Variants in GMPS observed in about 807,000 individuals in gnomAD.
GMPS encodes GMP synthase [glutamine-hydrolyzing].
In GMPS, 15 loss-of-function variants were observed where a neutral mutation model predicts 77.9. The ratio of observed to expected loss-of-function variants is 0.19; its 90% CI spans 0.13 to 0.30. GMPS has a LOEUF of 0.30. Among genes scored for constraint, GMPS ranks in the 10% least tolerant of loss-of-function variants. The pLI is 1.00. For missense variants in GMPS, 590 were observed against 838.8 expected (o/e 0.70, Z 3.66); for synonymous variants, 224 against 275.9 (o/e 0.81, Z 1.86).
Position 155,914,537 on chromosome 3 carries a change from G to T in GMPS, c.1005G>T (p.Glu335Asp). 1 of 1,590,692 alleles carries T rather than the reference G, an allele frequency of 6.3e-7. No homozygotes were observed. Among genetic ancestry groups the T allele is most frequent in the East Asian group, 2.3e-5 (1 of 43,744 alleles). The change falls in exon 8 of 16, where the codon GAG becomes GAT. Residue 335 changes from glutamate to aspartate, a missense_variant. Glu to Asp is a conservative substitution (Grantham distance 45). Transcript: ENST00000496455. ...KTLNMTTSPE[E>D]KRKIIGDTFV... ...TAAATATGACCACAAGTCCTGAAGA[G>T]AAAAGAAAAATCATTGGGGATACTT...
At chr3:155,889,305 C>T (rs554454430) in intron 1 of GMPS, among the ~76,000 whole-genome samples, 34 of 152,270 alleles carry the variant, frequency 2.2e-4, no homozygotes, top group African/African-American at 7.9e-4. Context: ...ATAGCAGGCC[C>T]TCTCCTGGAA....
At position 155,939,081 on chromosome 3, in the gene GMPS, A is replaced by G. The variant is rs1755829712; in HGVS notation, c.*1389A>G. 9.2e-6 allele frequency: 2 copies of G among 218,040 alleles called. No individual in the cohort carries two copies. The highest frequency in any genetic ancestry group is 1.2e-4 in the Admixed American group (2 of 17,264). 13.5% of individuals were successfully genotyped at this position (218,040 alleles called of 1,614,324 possible). Reference sequence around the variant, plus strand: ...GTCATCTTTTTATTCTGGCTGGTCCAGGGAACAAGAAAACTGCTGCTGGAC... The same window carrying G: ...GTCATCTTTTTATTCTGGCTGGTCCGGGGAACAAGAAAACTGCTGCTGGAC... On this transcript the variant is annotated 3_prime_UTR_variant, in exon 16 of 16. Coordinates refer to ENST00000496455, the MANE Select transcript of GMPS (RefSeq NM_003875.3).
At chr3:155,878,723 G>A (rs372485616) in intron 1 of GMPS, among the ~76,000 whole-genome samples, 11 of 152,300 alleles carry the variant, frequency 7.2e-5, no homozygotes, top group African/African-American at 2.4e-4. Flanking sequence ...AAATTTGTTA[G>A]GGGAATTGGC....
At chr3:155,908,969 T>G (rs189413147) in intron 5 of GMPS, among the ~76,000 whole-genome samples, 2 of 152,162 alleles carry the variant, frequency 1.3e-5, no homozygotes, top group East Asian at 3.9e-4. Context: ...CTGAGTAACT[T>G]CCATGTGTAG....
chr3:155,877,013 C>T lies in GMPS; in HGVS notation c.27+6116C>T, dbSNP rs1447935123. 2.0e-5 allele frequency among the ~76,000 whole-genome samples: 3 copies of T among 152,144 alleles called. No individual in the cohort carries two copies. In the East Asian group the frequency reaches 5.8e-4, roughly 29 times the overall value. Reference sequence around the variant, plus strand: ...CCGTTTGTCACTGGAAAAACAGTAACCTTTTAATCTCAAAACTCACAGCGG... The same window carrying T: ...CCGTTTGTCACTGGAAAAACAGTAATCTTTTAATCTCAAAACTCACAGCGG... On this transcript the variant is annotated intron_variant, in intron 1 of 15. Coordinates refer to ENST00000496455, the MANE Select transcript of GMPS (RefSeq NM_003875.3).
chr3:155,936,129 C>G (rs764732436), intron 14 of GMPS, among the ~76,000 whole-genome samples: 4 of 152,148 alleles, frequency 2.6e-5, no homozygotes, highest in Non-Finnish European at 5.9e-5. Flanking sequence ...AGTGAAACAT[C>G]ACTGATGTGA....
chr3:155,930,495 C>A (rs1174438550), intron 12 of GMPS, among the ~76,000 whole-genome samples: 1 of 150,436 alleles, frequency 6.6e-6, no homozygotes, highest in Non-Finnish European at 1.5e-5. Flanking sequence ...GCAACAAAAG[C>A]CAAAATTGAC....
At position 155,903,852 on chromosome 3, in the gene GMPS, T is replaced by C. The variant is rs1473488764; in HGVS notation, c.325-11T>C. The C allele has an allele frequency of 8.1e-7, 1 of 1,241,390 alleles. No homozygotes were observed. Among genetic ancestry groups the C allele is most frequent in the Admixed American group, 2.6e-5 (1 of 38,684 alleles). 76.9% of individuals were successfully genotyped at this position (1,241,390 alleles called of 1,614,324 possible). A position where few individuals can be genotyped will look rare whatever the true frequency, so the allele number is the denominator to read the frequency against. ...TGATTTCTATTAACATTAATTTTTT[T>C]CTTTGAACAGATGATGAATAAGGTA... On this transcript the variant is annotated splice_polypyrimidine_tract_variant and intron_variant, in intron 3 of 15. Transcript: ENST00000496455.
At chr3:155,910,661 A>G (rs779268077) in intron 5 of GMPS, 31 bp from the exon 6 acceptor site, 2 of 1,221,552 alleles carry the variant, frequency 1.6e-6, no homozygotes, top group Admixed American at 5.1e-5. Context: ...GCATGAAAAA[A>G]TTTTAATTTG....
At chr3:155,929,245 G>A (rs1306256104) in intron 12 of GMPS, among the ~76,000 whole-genome samples, 1 of 150,932 alleles carries the variant, frequency 6.6e-6, no homozygotes, top group Non-Finnish European at 1.5e-5. Flanking sequence ...GGTGTGAGAT[G>A]GTATCTCATA....
intron 12 of GMPS, among the ~76,000 whole-genome samples, chr3:155,929,590 A>G (rs77683087): frequency 0.23 from 31,728 of 137,684 alleles, 3,880 homozygotes; most frequent in East Asian, 0.36. Flanking sequence ...GTTTGCAGAC[A>G]ACATGATTGT....
intron 5 of GMPS, among the ~76,000 whole-genome samples, chr3:155,908,479 G>T (rs1261484624): frequency 6.6e-6 from 1 of 152,180 alleles, no homozygotes; most frequent in Non-Finnish European, 1.5e-5. Context: ...CATGTGAAAA[G>T]AACCCGGTTT....
At chr3:155,878,869 G>C (rs116983415) in intron 1 of GMPS, among the ~76,000 whole-genome samples, 4,100 of 151,944 alleles carry the variant, frequency 0.027, 248 homozygotes, top group Admixed American at 0.15. Context: ...CTCAGTGTGA[G>C]TCTGAAGGCC....
rs10936021 is a variant in GMPS, at chr3:155,911,088, T to G, written c.721-26T>G. 0.27 allele frequency: 425,690 copies of G among 1,548,094 alleles called. 61,453 individuals are homozygous for G. Among genetic ancestry groups the G allele is most frequent in the South Asian group, 0.43 (36,275 of 84,636 alleles). On this transcript the variant is annotated intron_variant, in intron 6 of 15. Coordinates refer to ENST00000496455, the MANE Select transcript of GMPS (RefSeq NM_003875.3). ...ATTTTCTTTTTGCTTGTTTTGCTCATTTTGATTTTTCATTTTACCCCGTAG... is the reference window on the plus strand; with the variant it reads ...ATTTTCTTTTTGCTTGTTTTGCTCAGTTTGATTTTTCATTTTACCCCGTAG...
intron 7 of GMPS, among the ~76,000 whole-genome samples, chr3:155,911,853 AAAG>A (rs1246043153): frequency 2.0e-5 from 3 of 152,120 alleles, no homozygotes; most frequent in African/African-American, 4.8e-5. Flanking sequence ...AAAAAAAAAA[AAAG>A]AAATTATCTT....
intron 1 of GMPS, 32 bp downstream of exon 1, chr3:155,870,929 C>G (rs1381129260): frequency 6.9e-7 from 1 of 1,443,402 alleles, no homozygotes; most frequent in East Asian, 3.0e-5. Context: ...GCACCGCATC[C>G]CGGCGGAGGC....
intron 1 of GMPS, among the ~76,000 whole-genome samples, chr3:155,876,268 G>A (rs1244560209): frequency 2.6e-5 from 4 of 152,136 alleles, no homozygotes; most frequent in South Asian, 2.1e-4. Flanking sequence ...CTGAGTAGCC[G>A]GCAGGAATAG....
intron 1 of GMPS, among the ~76,000 whole-genome samples, chr3:155,882,053 G>A (rs1454895890): frequency 6.6e-6 from 1 of 152,148 alleles, no homozygotes; most frequent in Non-Finnish European, 1.5e-5. Context: ...GGGTGACAGA[G>A]TGAGACCCTG....
rs554381681 is a variant in GMPS at position 155,906,067 on chromosome 3, C to T, written c.423-93C>T. The T allele has an allele frequency of 4.8e-5, 29 of 605,468 alleles. No individual in the cohort carries two copies. The African/African-American group carries it at 5.4e-4, about 11-fold the overall frequency. The allele number at this position is 605,468 out of a possible 1,614,324, so 37.5% of individuals were successfully genotyped here. A position where few individuals can be genotyped will look rare whatever the true frequency, so the allele number is the denominator to read the frequency against. On this transcript the variant is annotated intron_variant, in intron 4 of 15. Transcript: ENST00000496455. ...CTTTTTTTTTTTCTGTTTTTCTAAT[C>T]ATGTATGGCAAGCTTGTGTTTCTAA... is the stretch of plus-strand genomic sequence containing the variant.
Sources: gnomAD v4.1 joint callset for allele counts (sites outside exome capture counted in the v4.1 genomes callset) on GRCh38, gnomAD v4.1.1 for gene constraint, MANE v1.5 for transcripts, NCBI Gene and HGNC (gene_info 2026-07-23, HGNC 2026-07-21) for gene names.